The following TRIM44 variants were observed in gnomAD, a reference collection of about 807,000 sequenced individuals.
The protein encoded by TRIM44 is tripartite motif-containing protein 44.
In TRIM44, 13 loss-of-function variants were observed where a neutral mutation model predicts 37.4. That is an observed-to-expected ratio of 0.35 (90% CI 0.23 to 0.55). TRIM44 has a LOEUF of 0.55. TRIM44 is among the 20% of genes least tolerant of loss of function. The pLI is 0.89. For missense variants in TRIM44, 426 were observed against 437.2 expected (o/e 0.97, Z 0.23); for synonymous variants, 175 against 157.2 (o/e 1.11, Z -0.85).
intron 3 of TRIM44, among the ~76,000 whole-genome samples, chr11:35,727,908 A>G (rs534578658): frequency 2.0e-5 from 3 of 152,374 alleles, no homozygotes; most frequent in East Asian, 1.9e-4. Flanking sequence ...TTGTGTCTTA[A>G]TAAACAAAAG....
intron 2 of TRIM44, among the ~76,000 whole-genome samples, chr11:35,702,808 T>C (rs1023402607): frequency 5.3e-5 from 8 of 152,238 alleles, no homozygotes; most frequent in African/African-American, 1.9e-4. Flanking sequence ...AGCTCCAGTC[T>C]ACAGCTCCCA....
chr11:35,757,419 T>C (rs1309566062), intron 4 of TRIM44, among the ~76,000 whole-genome samples: 1 of 152,216 alleles, frequency 6.6e-6, no homozygotes, highest in Non-Finnish European at 1.5e-5. Flanking sequence ...GCTAGCAGTC[T>C]ATCAATTTTG....
intron 2 of TRIM44, 151 bp downstream of exon 2, chr11:35,685,487 TA>T: frequency 3.1e-6 from 2 of 645,204 alleles, no homozygotes; most frequent in Non-Finnish European, 5.5e-6. Context: ...CTGATATGCC[TA>T]GAGATAAGTC....
intron 4 of TRIM44, among the ~76,000 whole-genome samples, chr11:35,780,934 G>C (rs1373779156): frequency 6.6e-6 from 1 of 152,170 alleles, no homozygotes; most frequent in Non-Finnish European, 1.5e-5. Flanking sequence ...AATCAGATGA[G>C]ATCCCTTCTG....
chr11:35,725,660 C>T (rs769839997), intron 2 of TRIM44, among the ~76,000 whole-genome samples: 1 of 151,576 alleles, frequency 6.6e-6, no homozygotes, highest in East Asian at 1.9e-4. Context: ...ATATATTCAT[C>T]GTATATATTA....
intron 4 of TRIM44, among the ~76,000 whole-genome samples, chr11:35,749,086 A>G (rs1190180502): frequency 6.6e-6 from 1 of 152,208 alleles, no homozygotes; most frequent in Non-Finnish European, 1.5e-5. Flanking sequence ...ACTTTGAAAC[A>G]GTGAGTCTCA....
At chr11:35,799,487 C>T (rs147143669) in intron 4 of TRIM44, among the ~76,000 whole-genome samples, 13 of 152,322 alleles carry the variant, frequency 8.5e-5, no homozygotes, top group East Asian at 3.9e-4. Flanking sequence ...TAAAAAAGCA[C>T]GTGCTTGTAT....
intron 4 of TRIM44, 46 bp downstream of exon 4, chr11:35,735,491 T>C (rs767567938): frequency 8.7e-6 from 14 of 1,604,926 alleles, no homozygotes; most frequent in Non-Finnish European, 1.2e-5. Context: ...TGAAGTAGAG[T>C]GACATTTGTG....
chr11:35,696,277 GACT>G (rs1234810693), intron 2 of TRIM44, among the ~76,000 whole-genome samples: 3 of 151,570 alleles, frequency 2.0e-5, no homozygotes, highest in Admixed American at 6.6e-5. Context: ...GAGTAGCTGG[GACT>G]ACAGGTGCCC....
At chr11:35,802,871 A>C (rs537822189) in intron 4 of TRIM44, among the ~76,000 whole-genome samples, 8 of 152,286 alleles carry the variant, frequency 5.3e-5, no homozygotes, top group Non-Finnish European at 7.4e-5. Context: ...GTTGCTCTCC[A>C]GATATTTGAA....
intron 3 of TRIM44, among the ~76,000 whole-genome samples, chr11:35,729,371 T>C (rs528724155): frequency 6.6e-6 from 1 of 152,210 alleles, no homozygotes; most frequent in South Asian, 2.1e-4. Flanking sequence ...TTGGCCCTGC[T>C]CCTCCCAGTA....
Position 35,810,052 on chromosome 11 carries a change from C to T in TRIM44, c.*3667C>T, listed in dbSNP as rs992223932. On this transcript the variant is annotated 3_prime_UTR_variant, in exon 5 of 5. Transcript: ENST00000299413. ...GCAATTCCCTAGCAAAGGTCATTAG[C>T]TCCTAAGGCACTGAGTCAAAGTGAC... 1.3e-5 allele frequency: 2 copies of T among 152,132 alleles called. No homozygotes were observed. Among genetic ancestry groups the T allele is most frequent in the African/African-American group, 2.4e-5 (1 of 41,428 alleles). 9.4% of individuals were successfully genotyped at this position (152,132 alleles called of 1,614,324 possible).
At chr11:35,765,039 C>CT (rs1388087881) in intron 4 of TRIM44, among the ~76,000 whole-genome samples, 1 of 151,890 alleles carries the variant, frequency 6.6e-6, no homozygotes, top group Admixed American at 6.6e-5. Flanking sequence ...TATCGAAAGA[C>CT]TTTTTTTTGT....
intron 2 of TRIM44, among the ~76,000 whole-genome samples, chr11:35,708,998 A>T (rs1451701127): frequency 6.7e-6 from 1 of 150,084 alleles, no homozygotes; most frequent in Non-Finnish European, 1.5e-5. Flanking sequence ...CCCCCAAAAA[A>T]AAAGAACTTT....
At chr11:35,740,095 C>CT (rs1376258948) in intron 4 of TRIM44, among the ~76,000 whole-genome samples, 4 of 80,698 alleles carry the variant, frequency 5.0e-5, no homozygotes, top group Non-Finnish European at 6.5e-5. Context: ...AAGACTCTGT[C>CT]TAAAAAAAAA....
intron 2 of TRIM44, among the ~76,000 whole-genome samples, chr11:35,694,635 A>T (rs550441595): frequency 2.6e-4 from 40 of 152,032 alleles, no homozygotes; most frequent in African/African-American, 9.4e-4. Flanking sequence ...ATCTGTGATC[A>T]TGGGAAAAGC....
At chr11:35,759,608 GT>G (rs982489729) in intron 4 of TRIM44, among the ~76,000 whole-genome samples, 36 of 152,252 alleles carry the variant, frequency 2.4e-4, no homozygotes, top group South Asian at 8.3e-4. Context: ...TTTCTGCTCT[GT>G]TTTTTCCCCA....
chr11:35,674,235 C>CATGT (rs1554924870), intron 1 of TRIM44, among the ~76,000 whole-genome samples: 2 of 149,992 alleles, frequency 1.3e-5, no homozygotes, highest in African/African-American at 2.4e-5. Context: ...AGAGAATTTG[C>CATGT]GTGTGTGTGT....
At chr11:35,731,021 A>C (rs767404954) in intron 3 of TRIM44, among the ~76,000 whole-genome samples, 1 of 152,210 alleles carries the variant, frequency 6.6e-6, no homozygotes, top group African/African-American at 2.4e-5. Flanking sequence ...TATATCAGCA[A>C]TTATGCCATC....
Sources: allele counts gnomAD v4.1 joint callset (sites outside exome capture counted in the v4.1 genomes callset), GRCh38; gene constraint gnomAD v4.1.1; transcripts MANE v1.5; gene names NCBI Gene and HGNC (gene_info 2026-07-23, HGNC 2026-07-21).